TYW1: variants seen among roughly 807,000 people sequenced by gnomAD.
The protein encoded by TYW1 is tRNA-yW synthesizing protein 1 homolog.
TYW1 carries 46 observed loss-of-function variants against 96.2 expected under a neutral mutation model. The ratio of observed to expected loss-of-function variants is 0.48; its 90% confidence interval spans 0.38 to 0.61. TYW1 has a LOEUF of 0.61. Ranked by LOEUF, TYW1 falls within the 20% of genes least tolerant of loss-of-function variation. The probability of loss-of-function intolerance (pLI) is 0.00; values close to 1 mark genes in which losing one functional copy is unlikely to be tolerated. For missense variants in TYW1, 684 were observed against 909.6 expected, an observed-to-expected ratio of 0.75 and a Z score of 3.19; for synonymous variants, 274 against 323.0, an observed-to-expected ratio of 0.85 and a Z score of 1.63.
intron 10 of TYW1, among the ~76,000 whole-genome samples, chr7:67,081,305 G>A (rs1399839621): frequency 1.4e-5 from 2 of 144,932 alleles, no homozygotes; most frequent in Non-Finnish European, 3.0e-5. Context: ...GAAATCTGCT[G>A]TTATTCTTAT....
intron 5 of TYW1, among the ~76,000 whole-genome samples, chr7:67,015,158 T>C (rs190794944): frequency 6.6e-6 from 1 of 151,724 alleles, no homozygotes; most frequent in East Asian, 1.9e-4. Context: ...CCCACCACCA[T>C]GCCTGGCTAA....
At chr7:67,061,780 G>T (rs1795702217) in intron 9 of TYW1, among the ~76,000 whole-genome samples, 1 of 152,152 alleles carries the variant, frequency 6.6e-6, no homozygotes, top group African/African-American at 2.4e-5. Flanking sequence ...AAAAGCAAAT[G>T]GTTCCATCTT....
intron 7 of TYW1, among the ~76,000 whole-genome samples, chr7:67,047,550 A>G (rs887276958): frequency 3.3e-5 from 5 of 151,916 alleles, no homozygotes; most frequent in African/African-American, 9.7e-5. Context: ...GAACCCTATT[A>G]CTGGAAGCAA....
At position 67,082,087 on chromosome 7, in the gene TYW1, A is replaced by G. The variant is rs1796408939; in HGVS notation, c.1275-1343A>G. On this transcript the variant is annotated intron_variant, in intron 10 of 15. Coordinates refer to ENST00000359626, the MANE Select transcript of TYW1 (RefSeq NM_018264.4). The stretch of plus-strand genomic sequence containing the variant: ...TATCTCTCTGAGTTTCCTTAAGACC[A>G]TTATTTTAAATTCTGTTACAGGCCT... Among the ~76,000 whole-genome samples, 6 of 151,558 alleles carry G rather than the reference A, an allele frequency of 4.0e-5. No individual in the cohort carries two copies. In the South Asian group the frequency reaches 8.4e-4, roughly 21 times the overall value.
At chr7:67,159,719 C>T (rs2844164) in intron 13 of TYW1, among the ~76,000 whole-genome samples, 6,131 of 151,974 alleles carry the variant, frequency 0.04, 177 homozygotes, top group Middle Eastern at 0.1. Flanking sequence ...TTTAGCCATG[C>T]TGTATGTAGT....
chr7:67,072,934 G>GTTTTTTTT (rs529812538), intron 10 of TYW1, among the ~76,000 whole-genome samples: 9 of 71,262 alleles, frequency 1.3e-4, no homozygotes, highest in African/African-American at 3.3e-4. Flanking sequence ...TGCCTATCCA[G>GTTTTTTTT]TTTTTTTTTT....
intron 15 of TYW1, among the ~76,000 whole-genome samples, chr7:67,237,596 G>A (rs1282731251): frequency 7.1e-6 from 1 of 140,582 alleles, no homozygotes; most frequent in Non-Finnish European, 1.6e-5. Context: ...AGAAATGAAT[G>A]CCAAACAATA....
chr7:67,167,086 A>G (rs1799359365), intron 13 of TYW1, among the ~76,000 whole-genome samples: 1 of 152,130 alleles, frequency 6.6e-6, no homozygotes, highest in South Asian at 2.1e-4. Context: ...TTCTCTCTCC[A>G]TTGCCTCATG....
At chr7:67,089,233 G>C in intron 11 of TYW1, 1 of 1,165,886 alleles carries the variant, frequency 8.6e-7, no homozygotes, top group African/African-American at 1.6e-5. Context: ...CAAGCCCTGG[G>C]GGTAGCGGGC....
intron 3 of TYW1, among the ~76,000 whole-genome samples, chr7:67,005,757 G>A (rs1438185149): frequency 2.6e-5 from 4 of 152,132 alleles, no homozygotes; most frequent in South Asian, 2.1e-4. Context: ...GTGAAGTCAC[G>A]TCATCCCTCT....
At chr7:67,228,977 A>G (rs1801655269) in intron 15 of TYW1, among the ~76,000 whole-genome samples, 1 of 152,222 alleles carries the variant, frequency 6.6e-6, no homozygotes, top group Admixed American at 6.5e-5. Flanking sequence ...TAGTTCATGT[A>G]ATGGGAGGAG....
chr7:67,227,281 G>T (rs888512656), intron 15 of TYW1, among the ~76,000 whole-genome samples: 1 of 151,912 alleles, frequency 6.6e-6, no homozygotes, highest in Non-Finnish European at 1.5e-5. Context: ...TTTGAGATGG[G>T]CGTCTCACTC....
In TYW1 at chr7:67,073,767, CAAAAAAAA is replaced by C. The variant is rs71526599; in HGVS notation, c.1274+6383_1274+6390del. On this transcript the variant is annotated intron_variant, in intron 10 of 15. Coordinates refer to ENST00000359626, the MANE Select transcript of TYW1 (RefSeq NM_018264.4). ...GCCTGGGTGACAGTGCGAGACTCTT[CAAAAAAAA>C]AAAAAAAAAAAAAAAAAAGAAATAT... Among the ~76,000 whole-genome samples the C allele has an allele frequency of 5.7e-4, 24 of 42,328 alleles. No homozygotes were observed. The East Asian group carries it at 6.7e-3, about 12-fold the overall frequency. 27.8% of individuals were successfully genotyped at this position (42,328 alleles called of 152,430 possible).
At chr7:67,067,426 G>A in intron 10 of TYW1, 23 bp downstream of exon 10, 1 of 1,613,478 alleles carries the variant, frequency 6.2e-7, no homozygotes, top group South Asian at 1.1e-5. Flanking sequence ...GAAAGGTCAT[G>A]GTGATCGAAT....
chr7:67,122,596 T>A (rs1178819383), intron 13 of TYW1, among the ~76,000 whole-genome samples: 2 of 152,218 alleles, frequency 1.3e-5, no homozygotes, highest in Admixed American at 6.5e-5. Context: ...AGGGCATGCT[T>A]TTTTGCAAAT....
intron 13 of TYW1, among the ~76,000 whole-genome samples, chr7:67,153,003 T>C (rs1382908342): frequency 6.6e-6 from 1 of 152,242 alleles, no homozygotes; most frequent in Non-Finnish European, 1.5e-5. Flanking sequence ...GCTCCAGCTG[T>C]GTAGTTCTCC....
At chr7:67,147,490 A>G (rs1798645646) in intron 13 of TYW1, among the ~76,000 whole-genome samples, 4 of 152,088 alleles carry the variant, frequency 2.6e-5, no homozygotes, top group African/African-American at 9.7e-5. Flanking sequence ...AACTTGTGTC[A>G]TGGGAGTTCG....
intron 11 of TYW1, among the ~76,000 whole-genome samples, chr7:67,095,695 ACAACAGCAG>A (rs1242913039): frequency 9.0e-6 from 1 of 111,154 alleles, no homozygotes; most frequent in Non-Finnish European, 1.9e-5. Context: ...AACAACAACA[ACAACAGCAG>A]CAGCAGCAGC....
At chr7:67,033,715 A>C (rs1304622682) in intron 7 of TYW1, among the ~76,000 whole-genome samples, 1 of 130,534 alleles carries the variant, frequency 7.7e-6, no homozygotes, top group African/African-American at 2.8e-5. Flanking sequence ...TTTTTTTTTG[A>C]GACGGAGTCT....
Sources: gnomAD v4.1 joint callset for allele counts (sites outside exome capture counted in the v4.1 genomes callset) on GRCh38, gnomAD v4.1.1 for gene constraint, MANE v1.5 for transcripts, NCBI Gene and HGNC (gene_info 2026-07-23, HGNC 2026-07-21) for gene names.